Variants in ABCG1 observed in about 807,000 individuals in gnomAD.
The protein encoded by ABCG1 is ATP-binding cassette sub-family G member 1.
In ABCG1, 29 loss-of-function variants were observed where a neutral mutation model predicts 69.2. The observed-to-expected ratio is 0.42, with a 90% confidence interval of 0.31 to 0.57. The LOEUF (loss-of-function observed/expected upper bound fraction) is 0.57. Ranked by LOEUF, ABCG1 falls within the 20% of genes least tolerant of loss-of-function variation. ABCG1 has a pLI of 0.15. For missense variants in ABCG1, 718 were observed against 898.1 expected (o/e 0.80, Z 2.56); for synonymous variants, 370 against 374.8 (o/e 0.99, Z 0.15).
chr21:42,260,868 G>A (rs2068396743), intron 2 of ABCG1, among the ~76,000 whole-genome samples: 1 of 151,972 alleles, frequency 6.6e-6, no homozygotes, highest in African/African-American at 2.4e-5. Flanking sequence ...TGCCAGGCTG[G>A]AGTGCAGTGG....
At chr21:42,274,284 T>TC (rs1414614291) in intron 4 of ABCG1, among the ~76,000 whole-genome samples, 2 of 152,176 alleles carry the variant, frequency 1.3e-5, no homozygotes, top group Non-Finnish European at 2.9e-5. Flanking sequence ...CTAGTAAGCC[T>TC]CCCCACAGTA....
In ABCG1 at chr21:42,241,179, G is replaced by A. The variant is rs142852502; in HGVS notation, c.286+15265G>A. Among the ~76,000 whole-genome samples, 1,428 of 152,354 alleles carry A rather than the reference G, an allele frequency of 9.4e-3. 9 individuals are homozygous for A. The highest frequency in any genetic ancestry group is 0.014 in the Non-Finnish European group (945 of 68,030). On this transcript the variant is annotated intron_variant, in intron 2 of 14. Coordinates refer to ENST00000398449, the MANE Select transcript of ABCG1 (RefSeq NM_016818.3). ...CGTGACTGCCTGTCAGGATTCTGAC[G>A]GAGGTGACCCTGGCTGGGCCACCAG... is the stretch of plus-strand genomic sequence containing the variant.
intron 2 of ABCG1, among the ~76,000 whole-genome samples, chr21:42,243,911 C>T (rs896082312): frequency 2.6e-5 from 4 of 151,056 alleles, no homozygotes; most frequent in South Asian, 2.1e-4. Context: ...CTCCGCCTCC[C>T]GGGTTCACGC....
At chr21:42,268,574 C>A (rs919116165) in intron 2 of ABCG1, among the ~76,000 whole-genome samples, 1 of 151,978 alleles carries the variant, frequency 6.6e-6, no homozygotes, top group African/African-American at 2.4e-5. Flanking sequence ...TTTTAAGATT[C>A]TTCAATTCCA....
rs111357984 is a variant in ABCG1, at chr21:42,289,544, G to T, written c.1225-506G>T. Among the ~76,000 whole-genome samples the T allele has an allele frequency of 1.4e-3, 218 of 152,246 alleles. 1 individual carries two copies. The highest frequency in any genetic ancestry group is 5.1e-3 in the African/African-American group (211 of 41,552). On this transcript the variant is annotated intron_variant, in intron 10 of 14. Coordinates refer to ENST00000398449, the MANE Select transcript of ABCG1 (RefSeq NM_016818.3). Reference sequence around the variant, plus strand: ...TTATAGGGAAGGAGGTGGTGAATACGCGGGAACCATAATTCTACCAGAGAA... The same window carrying T: ...TTATAGGGAAGGAGGTGGTGAATACTCGGGAACCATAATTCTACCAGAGAA...
rs761917954 is a variant in ABCG1, at chr21:42,242,324, C to T, written c.286+16410C>T. ...TCCAAGGCCAGCCTCAGCAACATAG[C>T]GAGACGCTGTCTCTACAGAAAATAA... is the stretch of plus-strand genomic sequence containing the variant. On this transcript the variant is annotated intron_variant, in intron 2 of 14. Transcript: ENST00000398449. Among the ~76,000 whole-genome samples, 123 of 152,190 alleles carry T rather than the reference C, an allele frequency of 8.1e-4. 1 individual carries two copies. The highest frequency in any genetic ancestry group is 2.1e-4 in the South Asian group (1 of 4,828).
chr21:42,294,210 C>A (rs765321244), intron 13 of ABCG1, among the ~76,000 whole-genome samples: 2 of 152,218 alleles, frequency 1.3e-5, no homozygotes, highest in African/African-American at 2.4e-5. Context: ...ACTTAGCCCC[C>A]CCGGGGACAG....
At chr21:42,204,168 A>C (rs1011270041) in intron 2 of ABCG1, among the ~76,000 whole-genome samples, 1 of 152,220 alleles carries the variant, frequency 6.6e-6, no homozygotes, top group African/African-American at 2.4e-5. Flanking sequence ...TCCTAGGTAG[A>C]CAATCATGTC....
At chr21:42,204,056 CAG>C (rs1276073109) in intron 2 of ABCG1, among the ~76,000 whole-genome samples, 26 of 152,276 alleles carry the variant, frequency 1.7e-4, no homozygotes, top group African/African-American at 6.3e-4. Flanking sequence ...TGTTCATTGA[CAG>C]AGCATAGAAA....
intron 2 of ABCG1, among the ~76,000 whole-genome samples, chr21:42,237,380 C>G (rs1043770053): frequency 6.6e-6 from 1 of 152,232 alleles, no homozygotes; most frequent in Non-Finnish European, 1.5e-5. Flanking sequence ...TTGGGCCACT[C>G]TCTCTACCAA....
At chr21:42,254,123 G>A (rs2068265359) in intron 2 of ABCG1, among the ~76,000 whole-genome samples, 2 of 152,150 alleles carry the variant, frequency 1.3e-5, no homozygotes, top group Non-Finnish European at 2.9e-5. Context: ...TATGGATGGG[G>A]AATGCTGAAT....
upstream of ABCG1, among the ~76,000 whole-genome samples, chr21:42,212,355 G>A (rs2067597181): frequency 6.6e-6 from 1 of 152,264 alleles, no homozygotes; most frequent in Non-Finnish European, 1.5e-5. Flanking sequence ...GACATAAAGG[G>A]TGATCCTAGT....
At chr21:42,294,925 G>A (rs1390839396) in intron 14 of ABCG1, 20 of 427,392 alleles carry the variant, frequency 4.7e-5, no homozygotes, top group Non-Finnish European at 7.8e-5. Context: ...GGACGTTGCC[G>A]AGAGCTGCCT....
chr21:42,224,311 G>A (rs896988485), intron 1 of ABCG1, among the ~76,000 whole-genome samples: 2 of 152,216 alleles, frequency 1.3e-5, no homozygotes, highest in African/African-American at 4.8e-5. Flanking sequence ...GCATGGCGTA[G>A]CAGCTCCTCC....
intron 2 of ABCG1, chr21:42,259,428 C>T (rs753820187): frequency 1.5e-5 from 23 of 1,549,688 alleles, no homozygotes; most frequent in Non-Finnish European, 2.0e-5. Flanking sequence ...TTCAGCTCTT[C>T]AGGGAAAAAG....
chr21:42,212,885 G>A (rs958986577), upstream of ABCG1, among the ~76,000 whole-genome samples: 1 of 152,026 alleles, frequency 6.6e-6, no homozygotes, highest in Admixed American at 6.5e-5. Context: ...AGTAGAGATG[G>A]GGTTTCACCA....
chr21:42,205,560 T>C (rs996987146), intron 2 of ABCG1, among the ~76,000 whole-genome samples: 2 of 150,596 alleles, frequency 1.3e-5, no homozygotes, highest in African/African-American at 2.4e-5. Flanking sequence ...ATCATGACAC[T>C]GCGCTCCAGC....
chr21:42,292,998 G>C (rs939855758), intron 13 of ABCG1, among the ~76,000 whole-genome samples: 1,435 of 38,364 alleles, frequency 0.037, no homozygotes, highest in East Asian at 0.046. Context: ...ACACTACACA[G>C]TACACACCAC....
chr21:42,242,545 G>A (rs1417247231), intron 2 of ABCG1, among the ~76,000 whole-genome samples: 1 of 152,180 alleles, frequency 6.6e-6, no homozygotes, highest in East Asian at 1.9e-4. Flanking sequence ...CAATGAGAGA[G>A]GAGGAGGGAG....
Sources: gnomAD v4.1 joint callset for allele counts (sites outside exome capture counted in the v4.1 genomes callset) on GRCh38, gnomAD v4.1.1 for gene constraint, MANE v1.5 for transcripts, NCBI Gene and HGNC (gene_info 2026-07-23, HGNC 2026-07-21) for gene names.